PDE1C: variants seen among roughly 807,000 people sequenced by gnomAD.
PDE1C encodes phosphodiesterase 1C.
A neutral mutation model predicts 93.1 loss-of-function variants in PDE1C; 62 were observed. That is an observed-to-expected ratio of 0.67 (90% CI 0.54 to 0.82). The LOEUF is 0.82. PDE1C is among the 40% of genes least tolerant of loss of function. The pLI is 0.00. For synonymous variants in PDE1C, 325 were observed against 310.1 expected, an observed-to-expected ratio of 1.05 and a Z score of -0.50; for missense variants, 742 against 884.6, an observed-to-expected ratio of 0.84 and a Z score of 2.04.
chr7:31,983,506 C>T (rs532986163), intron 2 of PDE1C, among the ~76,000 whole-genome samples: 3 of 152,296 alleles, frequency 2.0e-5, no homozygotes, highest in East Asian at 1.9e-4. Flanking sequence ...GAACTCCAAA[C>T]ATTTCGTTGA....
intron 1 of PDE1C, among the ~76,000 whole-genome samples, chr7:32,409,706 AT>A (rs1562711910): frequency 6.6e-6 from 1 of 152,066 alleles, no homozygotes; most frequent in Non-Finnish European, 1.5e-5. Context: ...CTCAACTCCT[AT>A]TGTTAATTTT....
intron 1 of PDE1C, among the ~76,000 whole-genome samples, chr7:32,401,201 A>G (rs954257174): frequency 3.3e-5 from 5 of 152,240 alleles, no homozygotes; most frequent in African/African-American, 1.2e-4. Context: ...TAACAGACAT[A>G]TTCTATTTTC....
intron 1 of PDE1C, among the ~76,000 whole-genome samples, chr7:32,319,382 G>A (rs1417494343): frequency 6.6e-6 from 1 of 152,186 alleles, no homozygotes; most frequent in East Asian, 1.9e-4. Context: ...GTGCCCTTGG[G>A]TGCTGTTGAC....
chr7:31,646,767 G>A, the PDE1C span, among the ~76,000 whole-genome samples: 1 of 152,188 alleles, frequency 6.6e-6, no homozygotes, highest in Non-Finnish European at 1.5e-5. Context: ...GACGTGGGTA[G>A]ATTTTAAACA....
chr7:31,716,191 G>C, the PDE1C span, among the ~76,000 whole-genome samples: 5 of 152,124 alleles, frequency 3.3e-5, no homozygotes, highest in African/African-American at 4.8e-5. Context: ...ATAAGTGCTA[G>C]CCTTGTCTGA....
the PDE1C span, among the ~76,000 whole-genome samples, chr7:31,722,229 G>A: frequency 6.6e-6 from 1 of 152,086 alleles, no homozygotes; most frequent in Non-Finnish European, 1.5e-5. Flanking sequence ...CCCATCTTTA[G>A]TTGCTATTGC....
chr7:31,947,630 C>T (rs897533602), intron 2 of PDE1C, among the ~76,000 whole-genome samples: 11 of 152,158 alleles, frequency 7.2e-5, no homozygotes, highest in Non-Finnish European at 1.5e-4. Context: ...AGAGTAGCAT[C>T]GTGAACTTCA....
At chr7:32,008,565 A>AAATCTGGT (rs1323628597) in intron 2 of PDE1C, among the ~76,000 whole-genome samples, 1 of 152,190 alleles carries the variant, frequency 6.6e-6, no homozygotes, top group Non-Finnish European at 1.5e-5. Flanking sequence ...AGACACATGA[A>AAATCTGGT]AATCTGGTTC....
intron 2 of PDE1C, among the ~76,000 whole-genome samples, chr7:31,890,939 T>C (rs1020646058): frequency 3.3e-5 from 5 of 152,114 alleles, no homozygotes; most frequent in African/African-American, 1.2e-4. Context: ...CCCACCACAC[T>C]GGGGAGGAAA....
At chr7:32,045,046 G>C (rs1285889046) in intron 2 of PDE1C, among the ~76,000 whole-genome samples, 2 of 148,718 alleles carry the variant, frequency 1.3e-5, no homozygotes, top group Non-Finnish European at 3.0e-5. Context: ...CTACACCTGT[G>C]CCCTGCCCCC....
chr7:32,023,616 G>T (rs7802874), intron 2 of PDE1C, among the ~76,000 whole-genome samples: 4 of 148,766 alleles, frequency 2.7e-5, no homozygotes, highest in African/African-American at 9.8e-5. Flanking sequence ...TCAGAATACT[G>T]GTATCTACAG....
At chr7:32,166,988 T>C (rs2128802361) in intron 3 of PDE1C, among the ~76,000 whole-genome samples, 1 of 152,312 alleles carries the variant, frequency 6.6e-6, no homozygotes, top group Non-Finnish European at 1.5e-5. Flanking sequence ...TTTCTTCATC[T>C]CTAAAATGGA....
intron 2 of PDE1C, among the ~76,000 whole-genome samples, chr7:32,186,214 T>C (rs1803867502): frequency 6.6e-6 from 1 of 150,716 alleles, no homozygotes; most frequent in Admixed American, 6.6e-5. Context: ...GCCATTCTCC[T>C]GCCTCAGCCT....
chr7:31,853,987 A>G lies in PDE1C; in HGVS notation c.751-3246T>C, dbSNP rs75788356. Among the ~76,000 whole-genome samples, 1,506 of 151,342 alleles carry G rather than the reference A, an allele frequency of 1.0e-2. 14 individuals carry two copies. The highest frequency in any genetic ancestry group is 0.018 in the Non-Finnish European group (1,189 of 67,924). ...AGCAATCCACCAATCTGGGCCTCCC[A>G]AAATTCTGGGATTATAGGCGTGAGC... On this transcript the variant is annotated intron_variant, in intron 7 of 17. Transcript: ENST00000396191.
chr7:31,975,624 C>A (rs989958285), intron 2 of PDE1C, among the ~76,000 whole-genome samples: 15 of 151,768 alleles, frequency 9.9e-5, no homozygotes, highest in Non-Finnish European at 1.2e-4. Flanking sequence ...TCAGAGAAAC[C>A]GACAGAGAAT....
chr7:32,047,905 T>C (rs1452982348), intron 2 of PDE1C, among the ~76,000 whole-genome samples: 2 of 152,230 alleles, frequency 1.3e-5, no homozygotes, highest in African/African-American at 4.8e-5. Context: ...ACCTACTTTA[T>C]TTGACTAATT....
At chr7:31,875,712 AAAG>A (rs1796461151) in intron 5 of PDE1C, among the ~76,000 whole-genome samples, 1 of 148,568 alleles carries the variant, frequency 6.7e-6, no homozygotes, top group African/African-American at 2.5e-5. Context: ...ATGCCCTTCT[AAAG>A]AAGAGCACAC....
intron 1 of PDE1C, among the ~76,000 whole-genome samples, chr7:32,296,972 A>C (rs1812636184): frequency 6.6e-6 from 1 of 152,220 alleles, no homozygotes; most frequent in African/African-American, 2.4e-5. Context: ...GTGAGCTCCA[A>C]CGGAGAACTC....
chr7:32,252,296 C>T (rs571904640), intron 1 of PDE1C, among the ~76,000 whole-genome samples: 1 of 152,202 alleles, frequency 6.6e-6, no homozygotes, highest in African/African-American at 2.4e-5. Flanking sequence ...GACTATAAGG[C>T]ACAAACCACA....
Sources: gnomAD v4.1 joint callset for allele counts (sites outside exome capture counted in the v4.1 genomes callset) on GRCh38, gnomAD v4.1.1 for gene constraint, MANE v1.5 for transcripts, NCBI Gene and HGNC (gene_info 2026-07-23, HGNC 2026-07-21) for gene names.